Variants in LRMDA observed in about 807,000 individuals in gnomAD.
LRMDA encodes leucine rich melanocyte differentiation associated, also known as leucine-rich melanocyte differentiation-associated protein.
LRMDA carries 18 observed loss-of-function variants against 29.8 expected under a neutral mutation model. The ratio of observed to expected loss-of-function variants is 0.60; its 90% CI spans 0.42 to 0.90. The LOEUF (loss-of-function observed/expected upper bound fraction) is 0.90, where lower values mean the gene tolerates loss of function less well. Among genes scored for constraint, LRMDA ranks in the 40% least tolerant of loss-of-function variants. The pLI is 0.00. For synonymous variants in LRMDA, 125 were observed against 109.4 expected, an observed-to-expected ratio of 1.14 and a Z score of -0.89; for missense variants, 273 against 273.9, an observed-to-expected ratio of 1.00 and a Z score of 0.02.
At chr10:75,506,818 C>T (rs1845173541) in intron 2 of LRMDA, among the ~76,000 whole-genome samples, 1 of 152,168 alleles carries the variant, frequency 6.6e-6, no homozygotes, top group Non-Finnish European at 1.5e-5. Flanking sequence ...TTCAGGTTTC[C>T]TGGCACGAGG....
intron 2 of LRMDA, among the ~76,000 whole-genome samples, chr10:76,002,282 A>G (rs1274458019): frequency 6.6e-6 from 1 of 152,164 alleles, no homozygotes; most frequent in African/African-American, 2.4e-5. Context: ...TGCAACTTCA[A>G]ATACTACTTA....
chr10:76,128,265 G>A (rs572172765), intron 5 of LRMDA, among the ~76,000 whole-genome samples: 3 of 152,320 alleles, frequency 2.0e-5, no homozygotes, highest in Admixed American at 6.5e-5. Flanking sequence ...AGGGTTTTCA[G>A]ACCCTGGGAC....
At chr10:75,525,655 C>T (rs1373181096) in intron 2 of LRMDA, among the ~76,000 whole-genome samples, 1 of 146,050 alleles carries the variant, frequency 6.8e-6, no homozygotes, top group Non-Finnish European at 1.5e-5. Flanking sequence ...TTCCAGACCA[C>T]TTTTTAAAAA....
intron 2 of LRMDA, among the ~76,000 whole-genome samples, chr10:75,797,657 T>G (rs946898695): frequency 6.6e-6 from 1 of 152,326 alleles, no homozygotes; most frequent in South Asian, 2.1e-4. Context: ...TGGTGTTGTG[T>G]GTCTGGCTTC....
intron 5 of LRMDA, among the ~76,000 whole-genome samples, chr10:76,239,485 C>T (rs953503527): frequency 1.3e-5 from 2 of 152,152 alleles, no homozygotes; most frequent in Non-Finnish European, 2.9e-5. Context: ...CAGCCCATAC[C>T]TTTTATTGCG....
intron 6 of LRMDA, among the ~76,000 whole-genome samples, chr10:76,556,208 A>G (rs1317683626): frequency 6.6e-6 from 1 of 152,208 alleles, no homozygotes; most frequent in Admixed American, 6.5e-5. Context: ...GGAGAGCCTT[A>G]TACGGAGCCA....
At position 76,150,552 on chromosome 10, in the gene LRMDA, C is replaced by T. The variant is rs181363780; in HGVS notation, c.516+91769C>T. Among the ~76,000 whole-genome samples, 157 of 152,260 alleles carry T rather than the reference C, an allele frequency of 1.0e-3. 1 individual carries two copies. Among genetic ancestry groups the T allele is most frequent in the Admixed American group, 2.3e-3 (35 of 15,290 alleles). ...TAATAAAACACTACGGCTGTCATAA[C>T]GCAAGGTTAAATGAAGTCTTCACAA... On this transcript the variant is annotated intron_variant, in intron 5 of 6. Transcript: ENST00000611255.
chr10:75,431,833 G>T, intron 1 of LRMDA, 79 bp downstream of exon 1: 1 of 1,237,144 alleles, frequency 8.1e-7, no homozygotes, highest in Non-Finnish European at 1.0e-6. Context: ...GGCTCCCCAG[G>T]GCCTAGACAC....
chr10:75,848,784 A>G (rs1348500887), intron 2 of LRMDA, among the ~76,000 whole-genome samples: 2 of 152,190 alleles, frequency 1.3e-5, no homozygotes, highest in African/African-American at 4.8e-5. Flanking sequence ...CCACACCTGC[A>G]TCACTCTTCT....
chr10:75,622,648 G>A (rs1269535202), intron 2 of LRMDA, among the ~76,000 whole-genome samples: 1 of 152,168 alleles, frequency 6.6e-6, no homozygotes, highest in East Asian at 1.9e-4. Flanking sequence ...AACTCTATGT[G>A]ACATTTATAC....
chr10:75,894,132 G>A (rs1447269523), intron 2 of LRMDA, among the ~76,000 whole-genome samples: 1 of 152,042 alleles, frequency 6.6e-6, no homozygotes, highest in Admixed American at 6.6e-5. Context: ...CCCATCACCT[G>A]AGCAGTATAC....
intron 6 of LRMDA, among the ~76,000 whole-genome samples, chr10:76,528,493 T>G (rs1048824585): frequency 2.6e-5 from 4 of 152,134 alleles, no homozygotes; most frequent in African/African-American, 9.7e-5. Flanking sequence ...GACAGTGGAA[T>G]TATATATGAT....
At chr10:75,965,299 T>C (rs1439986647) in intron 2 of LRMDA, among the ~76,000 whole-genome samples, 1 of 152,212 alleles carries the variant, frequency 6.6e-6, no homozygotes, top group Non-Finnish European at 1.5e-5. Flanking sequence ...TAATTATTAG[T>C]AATCTTACTG....
Position 75,766,747 on chromosome 10 carries a change from T to C in LRMDA, c.132-269261T>C, listed in dbSNP as rs188577182. On this transcript the variant is annotated intron_variant, in intron 2 of 6. Transcript: ENST00000611255. ...ACCTATCAACCCATCATCTAGGTTTTAAGCCCCGCATGCATTAGGTATTTG... is the reference window on the plus strand; with the variant it reads ...ACCTATCAACCCATCATCTAGGTTTCAAGCCCCGCATGCATTAGGTATTTG... 2.4e-4 allele frequency among the ~76,000 whole-genome samples: 36 copies of C among 152,256 alleles called. No homozygotes were observed. The East Asian group carries it at 6.6e-3, about 28-fold the overall frequency.
At chr10:75,979,964 G>A (rs918524343) in intron 2 of LRMDA, among the ~76,000 whole-genome samples, 1 of 152,032 alleles carries the variant, frequency 6.6e-6, no homozygotes, top group Non-Finnish European at 1.5e-5. Flanking sequence ...TTTTTCTTCT[G>A]AATAATTTAC....
At chr10:75,861,456 G>A (rs1027974679) in intron 2 of LRMDA, among the ~76,000 whole-genome samples, 1 of 152,190 alleles carries the variant, frequency 6.6e-6, no homozygotes, top group Non-Finnish European at 1.5e-5. Flanking sequence ...GAGGCAGAGT[G>A]GGACTGGCTG....
At chr10:76,081,241 C>T (rs942635450) in intron 5 of LRMDA, among the ~76,000 whole-genome samples, 1 of 152,034 alleles carries the variant, frequency 6.6e-6, no homozygotes, top group Admixed American at 6.6e-5. Context: ...TTTGGGAGGC[C>T]AAGGTGGGAG....
intron 2 of LRMDA, among the ~76,000 whole-genome samples, chr10:75,846,431 A>G (rs1203217794): frequency 6.6e-6 from 1 of 152,206 alleles, no homozygotes; most frequent in African/African-American, 2.4e-5. Context: ...GTTTTTATCA[A>G]TATAAACAAT....
intron 2 of LRMDA, among the ~76,000 whole-genome samples, chr10:75,547,891 G>T (rs1038534646): frequency 6.6e-6 from 1 of 152,104 alleles, no homozygotes; most frequent in Non-Finnish European, 1.5e-5. Flanking sequence ...TTCTTGAACC[G>T]CAGCTGGCTT....
Sources: allele counts gnomAD v4.1 joint callset (sites outside exome capture counted in the v4.1 genomes callset), GRCh38; gene constraint gnomAD v4.1.1; transcripts MANE v1.5; gene names NCBI Gene and HGNC (gene_info 2026-07-23, HGNC 2026-07-21).